SNRPA: variants seen among roughly 807,000 people sequenced by gnomAD.
SNRPA encodes U1 small nuclear ribonucleoprotein A.
A neutral mutation model predicts 24.5 loss-of-function variants in SNRPA; 10 were observed. The ratio of observed to expected loss-of-function variants is 0.41; its 90% CI spans 0.25 to 0.69. The LOEUF (loss-of-function observed/expected upper bound fraction) is 0.69. Ranked by LOEUF, SNRPA falls within the 30% of genes least tolerant of loss-of-function variation. The pLI is 0.33. For missense variants in SNRPA, 283 were observed against 394.7 expected (o/e 0.72, Z 2.40); for synonymous variants, 165 against 148.4 (o/e 1.11, Z -0.81).
chr19:40,760,380 A>G (rs1010231871), intron 3 of SNRPA, among the ~76,000 whole-genome samples: 1 of 152,224 alleles, frequency 6.6e-6, no homozygotes, highest in Admixed American at 6.5e-5. Context: ...GGTAAATCCA[A>G]CAAAAGGTTT....
chr19:40,759,576 C>A lies in SNRPA; in HGVS notation c.392C>A (p.Thr131Asn), dbSNP rs754474688. ...AAGGCTGTGCAAGGCGGGGGAGCCA[C>A]CCCCGTGGTGGGGGCTGTCCAGGGG... ...TKKAVQGGGA[T>N]PVVGAVQGPV... Residue 131 changes from threonine (T) to asparagine (N), a missense_variant, in exon 3 of 6, where the codon ACC becomes AAC. Around this residue, in one of 6 missense-constraint regions of SNRPA, gnomAD observed 167 missense variants for 174.3 expected, o/e 0.96. Transcript: ENST00000243563. The A allele has an allele frequency of 1.2e-6, 2 of 1,613,194 alleles. No homozygotes were observed. Among genetic ancestry groups the A allele is most frequent in the South Asian group, 2.2e-5 (2 of 91,020 alleles).
intron 1 of SNRPA, among the ~76,000 whole-genome samples, chr19:40,753,066 A>G (rs2082890126): frequency 6.6e-6 from 1 of 152,220 alleles, no homozygotes; most frequent in African/African-American, 2.4e-5. Context: ...TGAAGAAAGC[A>G]AAACCAGCAG....
chr19:40,763,434 G>A, intron 4 of SNRPA, 153 bp from the exon 5 acceptor site: 1 of 687,380 alleles, frequency 1.5e-6, no homozygotes, highest in Non-Finnish European at 2.6e-6. Flanking sequence ...AGAGGTGGGA[G>A]GCAGACAGGC....
At chr19:40,761,033 C>T (rs1599729027) in intron 3 of SNRPA, among the ~76,000 whole-genome samples, 1 of 151,806 alleles carries the variant, frequency 6.6e-6, no homozygotes, top group East Asian at 1.9e-4. Flanking sequence ...GCAATCTCGG[C>T]TCACTGCAAC....
intron 1 of SNRPA, chr19:40,751,683 C>T (rs1033322202): frequency 5.3e-6 from 3 of 562,678 alleles, no homozygotes; most frequent in African/African-American, 1.9e-5. Context: ...CACTGCTGCT[C>T]ATCTTACAAG....
chr19:40,763,219 G>A, intron 4 of SNRPA, 145 bp downstream of exon 4: 1 of 639,372 alleles, frequency 1.6e-6, no homozygotes, highest in South Asian at 2.0e-5. Flanking sequence ...GTAGCAGTGG[G>A]GGTGGGCCCT....
rs1202048440 is a variant in SNRPA at position 40,751,265 on chromosome 19, G to C, written c.-144G>C. The C allele has an allele frequency of 1.4e-6, 1 of 710,398 alleles. No individual in the cohort carries two copies. The highest frequency in any genetic ancestry group is 1.7e-5 in the African/African-American group (1 of 57,200). 44.0% of individuals were successfully genotyped at this position (710,398 alleles called of 1,614,324 possible). A position where few individuals can be genotyped will look rare whatever the true frequency, so the allele number is the denominator to read the frequency against. ...CGCTTTGTTGTCGCGCTTTGCCTCC[G>C]TCCTTGCCCCTACTCCCGCCTTACC... On this transcript the variant is annotated 5_prime_UTR_variant, in exon 1 of 6. Transcript: ENST00000243563.
intron 3 of SNRPA, among the ~76,000 whole-genome samples, chr19:40,762,326 C>T (rs978287254): frequency 2.6e-5 from 4 of 151,758 alleles, no homozygotes; most frequent in Non-Finnish European, 5.9e-5. Flanking sequence ...AAGTGATTCT[C>T]CTGCCTCAGC....
In SNRPA at chr19:40,763,442, G is replaced by A. The variant is rs2145016503; in HGVS notation, c.601-145G>A. 17 of 713,270 alleles carry A rather than the reference G, an allele frequency of 2.4e-5. No homozygotes were observed. In the South Asian group the frequency reaches 2.8e-4, roughly 12 times the overall value. The allele number at this position is 713,270 out of a possible 1,614,324, so 44.2% of individuals were successfully genotyped here. A position where few individuals can be genotyped will look rare whatever the true frequency, so the allele number is the denominator to read the frequency against. ...GGGGCAAAGAGGTGGGAGGCAGACA[G>A]GCAACAGACAACAATATGTGGTATG... On this transcript the variant is annotated intron_variant, in intron 4 of 5. Coordinates refer to ENST00000243563, the MANE Select transcript of SNRPA (RefSeq NM_004596.5).
At chr19:40,753,070 C>G (rs1373662141) in intron 1 of SNRPA, among the ~76,000 whole-genome samples, 1 of 152,136 alleles carries the variant, frequency 6.6e-6, no homozygotes, top group Admixed American at 6.6e-5. Context: ...GAAAGCAAAA[C>G]CAGCAGCCGG....
chr19:40,761,104 C>T (rs957791010), intron 3 of SNRPA, among the ~76,000 whole-genome samples: 2 of 148,162 alleles, frequency 1.3e-5, no homozygotes, highest in African/African-American at 2.5e-5. Context: ...GGATCACAGG[C>T]ACATGCCACC....
At chr19:40,759,672 G>A in intron 3 of SNRPA, 62 bp downstream of exon 3, 3 of 1,479,410 alleles carry the variant, frequency 2.0e-6, no homozygotes, top group Non-Finnish European at 2.7e-6. Flanking sequence ...ACATGGACTG[G>A]CTTTGGGACA....
intron 5 of SNRPA, 59 bp from the exon 6 acceptor site, chr19:40,764,949 T>G: frequency 6.8e-7 from 1 of 1,461,904 alleles, no homozygotes; most frequent in South Asian, 1.5e-5. Flanking sequence ...CTCTGTCCAC[T>G]TGATGCCGTT....
At chr19:40,752,579 CAAAAAA>C (rs59705765) in intron 1 of SNRPA, among the ~76,000 whole-genome samples, 7 of 61,280 alleles carry the variant, frequency 1.1e-4, no homozygotes, top group African/African-American at 4.5e-4. Context: ...CTTTTCTCTA[CAAAAAA>C]AAAAAAAAAA....
chr19:40,763,841 G>A (rs960635447), intron 5 of SNRPA, among the ~76,000 whole-genome samples, 166 bp downstream of exon 5: 1 of 152,160 alleles, frequency 6.6e-6, no homozygotes, highest in Non-Finnish European at 1.5e-5. Flanking sequence ...CTGGGCCCAC[G>A]GCCTGTGGGG....
intron 5 of SNRPA, among the ~76,000 whole-genome samples, chr19:40,763,886 C>CAGGG (rs1188546649): frequency 2.0e-5 from 3 of 152,162 alleles, no homozygotes; most frequent in African/African-American, 4.8e-5. Context: ...TCTCCATGGC[C>CAGGG]AGGGCTTGCC....
In SNRPA at chr19:40,759,624, C is replaced by G. The variant is rs768961861; in HGVS notation, c.426+14C>G. On this transcript the variant is annotated intron_variant, in intron 3 of 5. Transcript: ENST00000243563. ...GGGCCTGTCCCGGTAAGCCAGGTCC[C>G]GGAGACCAACCCTCCCACTGCCAGA... 6.3e-7 allele frequency: 1 copy of G among 1,585,318 alleles called. No homozygotes were observed. The highest frequency in any genetic ancestry group is 8.6e-7 in the Non-Finnish European group (1 of 1,167,208).
chr19:40,756,105 A>T (rs926740510), intron 1 of SNRPA, among the ~76,000 whole-genome samples: 2 of 152,012 alleles, frequency 1.3e-5, no homozygotes, highest in Non-Finnish European at 2.9e-5. Flanking sequence ...GACTGTGTCT[A>T]CAAAAAATAA....
Position 40,755,221 on chromosome 19 carries a change from C to T in SNRPA, c.74-2111C>T, listed in dbSNP as rs536854087. Among the ~76,000 whole-genome samples, 23 of 150,818 alleles carry T rather than the reference C, an allele frequency of 1.5e-4. No homozygotes were observed. In the South Asian group the frequency reaches 3.0e-3, roughly 19 times the overall value. ...CCTCCCCAGTAGCTGGGATTACAAG[C>T]GCCCTCCACCACGCCTAGCTAATTT... is the stretch of plus-strand genomic sequence containing the variant. On this transcript the variant is annotated intron_variant, in intron 1 of 5. Transcript: ENST00000243563.
Sources: allele counts gnomAD v4.1 joint callset (sites outside exome capture counted in the v4.1 genomes callset), GRCh38; gene constraint gnomAD v4.1.1; regional missense constraint gnomAD v4.1.1; transcripts MANE v1.5; gene names NCBI Gene and HGNC (gene_info 2026-07-23, HGNC 2026-07-21).